ING3: variants seen among roughly 807,000 people sequenced by gnomAD.
ING3 encodes inhibitor of growth protein 3.
In ING3, 6 loss-of-function variants were observed where a neutral mutation model predicts 64.8. That is an observed-to-expected ratio of 0.09 (90% confidence interval 0.05 to 0.18). ING3 has a LOEUF of 0.18. ING3 is among the 10% of genes least tolerant of loss of function. The probability of loss-of-function intolerance (pLI) is 1.00; values close to 1 mark genes in which losing one functional copy is unlikely to be tolerated. For synonymous variants in ING3, 170 were observed against 173.7 expected (o/e 0.98, Z 0.17); for missense variants, 310 against 489.7 (o/e 0.63, Z 3.46).
chr7:120,973,352 G>T, intron 11 of ING3, 109 bp downstream of exon 11: 2 of 728,922 alleles, frequency 2.7e-6, no homozygotes, highest in Non-Finnish European at 4.8e-6. Flanking sequence ...AGGTTTGCAG[G>T]TATATTAGTT....
intron 4 of ING3, among the ~76,000 whole-genome samples, chr7:120,959,593 A>ACTGAAAGT (rs940289281): frequency 2.7e-4 from 40 of 145,696 alleles, no homozygotes; most frequent in African/African-American, 9.7e-4. Flanking sequence ...AGATTAGGGC[A>ACTGAAAGT]CTGAAAGTCA....
intron 8 of ING3, 91 bp from the exon 9 acceptor site, chr7:120,968,920 T>A: frequency 1.3e-6 from 1 of 749,560 alleles, no homozygotes; most frequent in Non-Finnish European, 2.1e-6. Context: ...TAACATTTGA[T>A]AAACCAAAAT....
At chr7:120,962,326 C>T (rs529266394) in intron 4 of ING3, among the ~76,000 whole-genome samples, 11 of 151,790 alleles carry the variant, frequency 7.2e-5, no homozygotes, top group Admixed American at 1.3e-4. Context: ...GATTGGAAGC[C>T]GTCTTATAAA....
chr7:120,960,006 T>C lies in ING3; in HGVS notation c.267+4382T>C, dbSNP rs116805938. On this transcript the variant is annotated intron_variant, in intron 4 of 11. Transcript: ENST00000315870. ...ATAAGTACACAGGAGGAAATAAACA[T>C]TGTAGAAAGAGAGGAAGGGGGAGAA... Among the ~76,000 whole-genome samples, 690 of 152,000 alleles carry C rather than the reference T, an allele frequency of 4.5e-3. 5 individuals are homozygous for C. The highest frequency in any genetic ancestry group is 0.016 in the African/African-American group (649 of 41,430).
intron 4 of ING3, among the ~76,000 whole-genome samples, chr7:120,963,708 T>C (rs2116673771): frequency 6.6e-6 from 1 of 152,288 alleles, no homozygotes. Context: ...CTCCTCTTCA[T>C]AGGCATCTAA....
At position 120,974,908 on chromosome 7, in the gene ING3, AAGAAG is replaced by A. The variant is rs1254854337; in HGVS notation, c.*74_*78del. 8 of 1,118,268 alleles carry A rather than the reference AAGAAG, an allele frequency of 7.2e-6. No individual in the cohort carries two copies. The highest frequency in any genetic ancestry group is 3.2e-5 in the African/African-American group (2 of 63,430). 69.3% of individuals were successfully genotyped at this position (1,118,268 alleles called of 1,614,324 possible). A position where few individuals can be genotyped will look rare whatever the true frequency, so the allele number is the denominator to read the frequency against. ...TGAAGATTTTATATAGGACTTTAAA[AAGAAG>A]AGAAGAGAAAGAAGAAACAATGCAT... On this transcript the variant is annotated 3_prime_UTR_variant, in exon 12 of 12. Transcript: ENST00000315870.
At chr7:120,971,044 T>A in intron 10 of ING3, 164 bp downstream of exon 10, 1 of 785,984 alleles carries the variant, frequency 1.3e-6, no homozygotes, top group Non-Finnish European at 2.0e-6. Context: ...AAATACTGAG[T>A]ATAAAGAAAA....
chr7:120,968,305 G>A (rs918615588), intron 8 of ING3, among the ~76,000 whole-genome samples: 2 of 152,068 alleles, frequency 1.3e-5, no homozygotes, highest in Non-Finnish European at 2.9e-5. Flanking sequence ...TTTATCATGC[G>A]GATTACATGC....
intron 4 of ING3, among the ~76,000 whole-genome samples, chr7:120,958,787 C>G (rs1175939589): frequency 1.3e-5 from 2 of 152,166 alleles, no homozygotes; most frequent in African/African-American, 4.8e-5. Context: ...TTAAAAAGAA[C>G]TCAGGCAATC....
intron 11 of ING3, among the ~76,000 whole-genome samples, chr7:120,973,632 T>C (rs1796097957): frequency 6.6e-6 from 1 of 152,204 alleles, no homozygotes; most frequent in African/African-American, 2.4e-5. Context: ...AAGGGTGGGA[T>C]AATTGAGGAT....
chr7:120,973,319 T>G, intron 11 of ING3, 76 bp downstream of exon 11: 1 of 990,872 alleles, frequency 1.0e-6, no homozygotes, highest in Non-Finnish European at 1.6e-6. Flanking sequence ...TCTTATTTGC[T>G]GTATGGTTTG....
chr7:120,970,561 C>T (rs925288255), intron 9 of ING3, 127 bp from the exon 10 acceptor site: 25 of 914,714 alleles, frequency 2.7e-5, no homozygotes, highest in South Asian at 7.2e-5. Flanking sequence ...TTGGTAAATC[C>T]GGATTACTTT....
intron 4 of ING3, among the ~76,000 whole-genome samples, chr7:120,959,418 T>C (rs1416807862): frequency 6.6e-6 from 1 of 152,172 alleles, no homozygotes; most frequent in Non-Finnish European, 1.5e-5. Flanking sequence ...GCTGTTTCTT[T>C]GAGTCTTTTA....
chr7:120,956,556 G>GT, intron 4 of ING3: 1 of 1,006,422 alleles, frequency 9.9e-7, no homozygotes, highest in Non-Finnish European at 1.2e-6. Context: ...TTTTTATGTA[G>GT]TACACACATT....
intron 4 of ING3, among the ~76,000 whole-genome samples, chr7:120,962,891 A>G (rs1175543480): frequency 1.3e-5 from 2 of 152,138 alleles, no homozygotes; most frequent in East Asian, 1.9e-4. Flanking sequence ...TATATTAAAA[A>G]TCATATATAA....
At chr7:120,963,226 G>A (rs1326391200) in intron 4 of ING3, among the ~76,000 whole-genome samples, 1 of 152,094 alleles carries the variant, frequency 6.6e-6, no homozygotes, top group Non-Finnish European at 1.5e-5. Context: ...TCTTTGAATA[G>A]GAGCAAGTAT....
At chr7:120,969,478 A>G (rs112519217) in intron 9 of ING3, among the ~76,000 whole-genome samples, 1 of 152,158 alleles carries the variant, frequency 6.6e-6, no homozygotes, top group African/African-American at 2.4e-5. Flanking sequence ...ATTAAGATAA[A>G]TCATTTTATG....
chr7:120,969,454 ATCT>A (rs1181970832), intron 9 of ING3, among the ~76,000 whole-genome samples: 2 of 151,984 alleles, frequency 1.3e-5, no homozygotes, highest in Non-Finnish European at 2.9e-5. Context: ...ACTTCTTTTT[ATCT>A]TCTTTTATTC....
chr7:120,964,393 T>A (rs959199951), intron 4 of ING3, among the ~76,000 whole-genome samples: 2 of 152,150 alleles, frequency 1.3e-5, no homozygotes, highest in African/African-American at 4.8e-5. Flanking sequence ...CAGGGCATAT[T>A]ATGAAAAGTG....
Sources: allele counts gnomAD v4.1 joint callset (sites outside exome capture counted in the v4.1 genomes callset), GRCh38; gene constraint gnomAD v4.1.1; transcripts MANE v1.5; gene names NCBI Gene and HGNC (gene_info 2026-07-23, HGNC 2026-07-21).